LPP: variants seen among roughly 807,000 people sequenced by gnomAD.
LPP encodes the protein LIM domain containing preferred translocation partner in lipoma.
LPP carries 38 observed loss-of-function variants against 60.4 expected under a neutral mutation model. That is an observed-to-expected ratio of 0.63 (90% CI 0.49 to 0.83). LPP has a LOEUF of 0.83. Ranked by LOEUF, LPP falls within the 40% of genes least tolerant of loss-of-function variation. LPP has a pLI of 0.00. For synonymous variants in LPP, 328 were observed against 290.8 expected, an observed-to-expected ratio of 1.13 and a Z score of -1.30; for missense variants, 902 against 783.6, an observed-to-expected ratio of 1.15 and a Z score of -1.80.
At chr3:188,563,460 A>ATGTGTGTGTGTGTGTGTG (rs59514913) in intron 6 of LPP, among the ~76,000 whole-genome samples, 5,947 of 141,896 alleles carry the variant, frequency 0.042, 214 homozygotes, top group African/African-American at 0.091. Context: ...TTACATATAT[A>ATGTGTGTGTGTGTGTGTG]TGTGTGTGTG....
At chr3:188,808,673 T>A (rs1164712225) in intron 9 of LPP, among the ~76,000 whole-genome samples, 3 of 152,188 alleles carry the variant, frequency 2.0e-5, no homozygotes, top group Non-Finnish European at 4.4e-5. Context: ...CTTTTTATTT[T>A]ATTCTATTTT....
intron 4 of LPP, among the ~76,000 whole-genome samples, chr3:188,417,008 TA>T (rs772891223): frequency 1.3e-5 from 2 of 151,950 alleles, no homozygotes; most frequent in South Asian, 2.1e-4. Flanking sequence ...CTAAAGAACT[TA>T]AAAAAAATCA....
chr3:188,390,083 T>C (rs1335892806), intron 3 of LPP, among the ~76,000 whole-genome samples: 1 of 152,212 alleles, frequency 6.6e-6, no homozygotes, highest in Non-Finnish European at 1.5e-5. Flanking sequence ...CTGACTGTTA[T>C]TATTACAGAG....
At chr3:188,774,390 AC>A (rs1436471725) in intron 9 of LPP, among the ~76,000 whole-genome samples, 2 of 151,644 alleles carry the variant, frequency 1.3e-5, no homozygotes, top group Non-Finnish European at 2.9e-5. Flanking sequence ...AGGTAATCTT[AC>A]CCCCAAATAC....
intron 8 of LPP, among the ~76,000 whole-genome samples, chr3:188,757,889 G>GTTTTTTGTTTTTT (rs1553833771): frequency 2.5e-5 from 2 of 78,740 alleles, no homozygotes; most frequent in African/African-American, 1.0e-4. Context: ...TGTTTTTTTG[G>GTTTTTTGTTTTTT]TTTTTTTTTT....
chr3:188,395,811 G>A (rs2148742068), intron 3 of LPP, among the ~76,000 whole-genome samples: 1 of 152,164 alleles, frequency 6.6e-6, no homozygotes, highest in South Asian at 2.1e-4. Context: ...ACTTTGGAGA[G>A]GCTGAGGTGG....
chr3:188,634,525 C>T (rs940805002), intron 7 of LPP, among the ~76,000 whole-genome samples: 7 of 152,222 alleles, frequency 4.6e-5, no homozygotes, highest in Admixed American at 4.6e-4. Context: ...CAGTGGCGGG[C>T]AAGTGGGCGA....
At chr3:188,481,780 A>G (rs1215336178) in intron 4 of LPP, among the ~76,000 whole-genome samples, 2 of 152,192 alleles carry the variant, frequency 1.3e-5, no homozygotes, top group African/African-American at 4.8e-5. Flanking sequence ...CCTCTGTTTG[A>G]TAATATGATC....
intron 1 of LPP, among the ~76,000 whole-genome samples, chr3:188,216,507 G>A (rs961079877): frequency 2.0e-5 from 3 of 152,086 alleles, no homozygotes; most frequent in African/African-American, 7.2e-5. Context: ...CTGACCTCAG[G>A]TGATCTGCCT....
intron 11 of LPP, among the ~76,000 whole-genome samples, chr3:188,873,242 A>G (rs1276582560): frequency 1.3e-5 from 2 of 152,166 alleles, no homozygotes; most frequent in Non-Finnish European, 2.9e-5. Context: ...AGTAAAGCCA[A>G]ACTTCCCGCA....
chr3:188,502,315 A>G (rs1373323635), intron 5 of LPP, among the ~76,000 whole-genome samples: 3 of 152,180 alleles, frequency 2.0e-5, no homozygotes, highest in South Asian at 2.1e-4. Flanking sequence ...TACATTTACA[A>G]TTGTTACATA....
At chr3:188,676,084 G>T (rs9883305) in intron 7 of LPP, among the ~76,000 whole-genome samples, 58,501 of 151,622 alleles carry the variant, frequency 0.39, 11,824 homozygotes, top group East Asian at 0.77. Context: ...TAGATAAAAA[G>T]ATTTTTAAGG....
chr3:188,305,430 T>C (rs544685291), intron 2 of LPP, among the ~76,000 whole-genome samples: 8 of 152,316 alleles, frequency 5.3e-5, no homozygotes, highest in African/African-American at 1.9e-4. Context: ...TGTGGAAATC[T>C]GAGATAGGTA....
chr3:188,228,120 C>T (rs1252368638), intron 2 of LPP, among the ~76,000 whole-genome samples: 1 of 152,190 alleles, frequency 6.6e-6, no homozygotes, highest in African/African-American at 2.4e-5. Flanking sequence ...AAGGCATCAG[C>T]CAGCTGCACT....
At chr3:188,402,842 T>C (rs1044459516) in intron 3 of LPP, among the ~76,000 whole-genome samples, 1 of 152,194 alleles carries the variant, frequency 6.6e-6, no homozygotes, top group African/African-American at 2.4e-5. Flanking sequence ...AAAAAGGAAT[T>C]AGGCTACTCT....
intron 2 of LPP, among the ~76,000 whole-genome samples, chr3:188,318,420 A>AAC (rs1553860887): frequency 5.4e-5 from 8 of 149,210 alleles, no homozygotes; most frequent in African/African-American, 2.0e-4. Context: ...CAAAAAAACA[A>AAC]AAAAAAAAAA....
chr3:188,353,254 C>T (rs145909746), intron 3 of LPP, among the ~76,000 whole-genome samples: 1 of 152,160 alleles, frequency 6.6e-6, no homozygotes, highest in Non-Finnish European at 1.5e-5. Context: ...ACCTTTTAAT[C>T]AGGCACCTGG....
chr3:188,563,728 G>GTTTTTTTTTTTTT (rs5855207), intron 6 of LPP, among the ~76,000 whole-genome samples: 2 of 145,146 alleles, frequency 1.4e-5, no homozygotes, highest in Admixed American at 6.9e-5. Context: ...GTTTTTTTTT[G>GTTTTTTTTTTTTT]TTTTTTTTTT....
intron 2 of LPP, among the ~76,000 whole-genome samples, chr3:188,241,408 C>T (rs1314176514): frequency 3.9e-5 from 6 of 152,240 alleles, no homozygotes; most frequent in Admixed American, 3.9e-4. Flanking sequence ...CATCTCCCTA[C>T]TCGTTCCTCA....
Sources: allele counts gnomAD v4.1 joint callset (sites outside exome capture counted in the v4.1 genomes callset), GRCh38; gene constraint gnomAD v4.1.1; transcripts MANE v1.5; gene names NCBI Gene and HGNC (gene_info 2026-07-23, HGNC 2026-07-21).